LRRIQ1: variants seen among roughly 807,000 people sequenced by gnomAD.
The protein encoded by LRRIQ1 is leucine-rich repeat- and IQ domain-containing protein 1.
In LRRIQ1, 210 loss-of-function variants were observed where a neutral mutation model predicts 211.9. The observed-to-expected ratio is 0.99, with a 90% CI of 0.89 to 1.11. The LOEUF (loss-of-function observed/expected upper bound fraction) is 1.11. Ranked by LOEUF, LRRIQ1 falls within the 50% of genes most tolerant of loss-of-function variation. The pLI is 0.00. For synonymous variants in LRRIQ1, 699 were observed against 650.1 expected (o/e 1.08, Z -1.14); for missense variants, 2,136 against 1,939.5 (o/e 1.10, Z -1.90).
intron 19 of LRRIQ1, among the ~76,000 whole-genome samples, chr12:85,140,426 A>G (rs1011962530): frequency 6.6e-5 from 10 of 151,226 alleles, no homozygotes; most frequent in Admixed American, 1.3e-4. Context: ...AATACAATTT[A>G]TTTTTGTATA....
intron 7 of LRRIQ1, among the ~76,000 whole-genome samples, chr12:85,054,654 G>T (rs1048334242): frequency 6.6e-6 from 1 of 150,410 alleles, no homozygotes; most frequent in Non-Finnish European, 1.5e-5. Context: ...TCATTTTGAA[G>T]TTTTTTTTTA....
At chr12:85,271,113 A>G in the LRRIQ1 span, among the ~76,000 whole-genome samples, 3 of 152,202 alleles carry the variant, frequency 2.0e-5, no homozygotes, top group African/African-American at 7.2e-5. Flanking sequence ...AGAGAAAATT[A>G]ATCCTAATTT....
chr12:85,121,755 T>C lies in LRRIQ1; in HGVS notation c.3436T>C (p.Ser1146Pro), dbSNP rs1449850839. 1 of 1,609,412 alleles carries C rather than the reference T, an allele frequency of 6.2e-7. No individual in the cohort carries two copies. The highest frequency in any genetic ancestry group is 1.7e-5 in the Admixed American group (1 of 59,218). The change falls in exon 16 of 27, where the codon TCT (serine) becomes CCT (proline). Residue 1146 changes from serine to proline, a missense_variant. Coordinates refer to ENST00000393217, the MANE Select transcript of LRRIQ1 (RefSeq NM_001079910.2). ...LRILNGNILN[S>P]NSESRTEEHN... ...AATCCTCAATGGCAATATACTAAAC[T>C]CTAATTCAGAAAGCCGCACTGAAGA...
intron 21 of LRRIQ1, 66 bp downstream of exon 21, chr12:85,153,211 A>ACTGAGCGAG: frequency 7.3e-7 from 1 of 1,366,520 alleles, no homozygotes; most frequent in Non-Finnish European, 1.0e-6. Context: ...ATCATACAAA[A>ACTGAGCGAG]GTAGTACAAT....
chr12:85,056,953 T>C lies in LRRIQ1; in HGVS notation c.2160T>C (p.Pro720=). The C allele has an allele frequency of 6.2e-7, 1 of 1,612,450 alleles. No individual in the cohort carries two copies. Residue 720 remains proline (P), a synonymous_variant, in exon 8 of 27, where the codon CCT becomes CCC. Coordinates refer to ENST00000393217, the MANE Select transcript of LRRIQ1 (RefSeq NM_001079910.2). ...NISEKCHENA[P]EPDSMTCCVS... ...CAGAAAAATGCCATGAAAATGCACCTGAACCTGATAGCATGACCTGCTGTG... is the reference window on the plus strand; with the variant it reads ...CAGAAAAATGCCATGAAAATGCACCCGAACCTGATAGCATGACCTGCTGTG...
At chr12:85,072,645 G>GT (rs200406761) in intron 10 of LRRIQ1, among the ~76,000 whole-genome samples, 4 of 149,994 alleles carry the variant, frequency 2.7e-5, no homozygotes, top group South Asian at 2.1e-4. Context: ...TGACTATTAT[G>GT]TTTTTTTCAT....
intron 24 of LRRIQ1, among the ~76,000 whole-genome samples, chr12:85,217,665 T>TATATGTGTA: frequency 7.7e-6 from 1 of 129,154 alleles, no homozygotes; most frequent in Non-Finnish European, 1.5e-5. Flanking sequence ...TATATATGTA[T>TATATGTGTA]ATATGTGTAT....
chr12:85,150,340 T>G (rs1890159580), intron 19 of LRRIQ1, among the ~76,000 whole-genome samples: 1 of 151,804 alleles, frequency 6.6e-6, no homozygotes, highest in Admixed American at 6.6e-5. Flanking sequence ...GGATTTTCCC[T>G]TGTCATTGAA....
intron 10 of LRRIQ1, among the ~76,000 whole-genome samples, chr12:85,071,398 A>G (rs1479770506): frequency 1.3e-5 from 2 of 151,908 alleles, no homozygotes; most frequent in Non-Finnish European, 2.9e-5. Context: ...TTAATATTCT[A>G]TTGTGTGAAA....
intron 25 of LRRIQ1, 111 bp downstream of exon 25, chr12:85,229,760 C>T (rs1055017665): frequency 2.6e-5 from 27 of 1,030,988 alleles, no homozygotes; most frequent in Admixed American, 2.0e-4. Context: ...AAGGCCAATA[C>T]GCTACGTTGC....
chr12:85,041,588 A>G (rs182502929), intron 3 of LRRIQ1, among the ~76,000 whole-genome samples: 54 of 151,816 alleles, frequency 3.6e-4, no homozygotes, highest in African/African-American at 1.3e-3. Context: ...TGGATTTAAT[A>G]TGTTTGAATA....
chr12:85,232,533 A>T (rs1252845493), intron 25 of LRRIQ1, among the ~76,000 whole-genome samples, 163 bp from the exon 26 acceptor site: 1 of 152,208 alleles, frequency 6.6e-6, no homozygotes, highest in Non-Finnish European at 1.5e-5. Context: ...TTAGAGAAAG[A>T]TGTACATTTG....
In LRRIQ1 at chr12:85,103,996, G is replaced by T; in HGVS notation, c.3210-8G>T. The T allele has an allele frequency of 6.4e-7, 1 of 1,554,102 alleles. No individual in the cohort carries two copies. Among genetic ancestry groups the T allele is most frequent in the South Asian group, 1.2e-5 (1 of 82,736 alleles). On this transcript the variant is annotated splice_region_variant and splice_polypyrimidine_tract_variant and intron_variant, in intron 13 of 26. Coordinates refer to ENST00000393217, the MANE Select transcript of LRRIQ1 (RefSeq NM_001079910.2). ...GAATTTTGATGAAGTTTTTGTTTTT[G>T]TTTTCAGCTTGACTAAAATCGTACC...
chr12:85,216,724 A>C (rs1894108649), intron 24 of LRRIQ1, among the ~76,000 whole-genome samples: 1 of 151,988 alleles, frequency 6.6e-6, no homozygotes, highest in Non-Finnish European at 1.5e-5. Context: ...TCTCCAATAG[A>C]ATATGAGTAG....
chr12:85,201,198 G>A (rs1027499497), intron 24 of LRRIQ1, among the ~76,000 whole-genome samples: 8 of 149,522 alleles, frequency 5.4e-5, no homozygotes, highest in East Asian at 3.9e-4. Flanking sequence ...TTTTTGTATC[G>A]ATGTTCATCG....
chr12:85,127,716 T>C, intron 17 of LRRIQ1, 116 bp from the exon 18 acceptor site: 1 of 809,956 alleles, frequency 1.2e-6, no homozygotes, highest in Non-Finnish European at 1.9e-6. Context: ...GTCTTATTTT[T>C]AAATAATACT....
chr12:85,083,424 T>C (rs904260553), intron 11 of LRRIQ1, among the ~76,000 whole-genome samples: 1 of 147,906 alleles, frequency 6.8e-6, no homozygotes, highest in Non-Finnish European at 1.5e-5. Context: ...AATGGATTAT[T>C]AATTTTTTTC....
intron 11 of LRRIQ1, among the ~76,000 whole-genome samples, chr12:85,080,901 T>A (rs542639952): frequency 6.6e-6 from 1 of 152,176 alleles, no homozygotes; most frequent in African/African-American, 2.4e-5. Context: ...AGACAGAGAA[T>A]ACTATGAAAA....
At position 85,232,720 on chromosome 12, in the gene LRRIQ1, T is replaced by C. The variant is rs1194976504; in HGVS notation, c.4980T>C (p.Asp1660=). ...MKCNHFLPEL[D]PDVLNGGRVQ... ...GCAATCACTTTTTGCCTGAGTTAGATCCAGATGTACTTAATGGTGGAAGAG... is the reference window on the plus strand; with the variant it reads ...GCAATCACTTTTTGCCTGAGTTAGACCCAGATGTACTTAATGGTGGAAGAG... Residue 1660 remains aspartate, a synonymous_variant, in exon 26 of 27, where the codon GAT becomes GAC. Transcript: ENST00000393217. The C allele has an allele frequency of 5.0e-6, 8 of 1,612,704 alleles. No homozygotes were observed.
Sources: allele counts gnomAD v4.1 joint callset (sites outside exome capture counted in the v4.1 genomes callset), GRCh38; gene constraint gnomAD v4.1.1; transcripts MANE v1.5; gene names NCBI Gene and HGNC (gene_info 2026-07-23, HGNC 2026-07-21).